ARHGEF3: variants seen among roughly 807,000 people sequenced by gnomAD.
ARHGEF3 encodes the protein 59.8 kDA protein.
Under a neutral mutation model 63.2 loss-of-function variants are expected in ARHGEF3, and 28 were observed. That is an observed-to-expected ratio of 0.44 (90% CI 0.33 to 0.61). The LOEUF (loss-of-function observed/expected upper bound fraction) is 0.61. Ranked by LOEUF, ARHGEF3 falls within the 20% of genes least tolerant of loss-of-function variation. ARHGEF3 has a pLI of 0.03. For missense variants in ARHGEF3, 533 were observed against 659.3 expected (o/e 0.81, Z 2.10); for synonymous variants, 266 against 254.2 (o/e 1.05, Z -0.44).
chr3:56,926,106 T>C (rs2042267639), intron 3 of ARHGEF3, among the ~76,000 whole-genome samples: 1 of 152,180 alleles, frequency 6.6e-6, no homozygotes, highest in Non-Finnish European at 1.5e-5. Context: ...AGCACTAGGC[T>C]GCAGAGGAAG....
At chr3:56,826,236 T>C (rs2038710013) in intron 4 of ARHGEF3, among the ~76,000 whole-genome samples, 1 of 152,206 alleles carries the variant, frequency 6.6e-6, no homozygotes, top group South Asian at 2.1e-4. Context: ...GTTTGACTGT[T>C]ACATAAGCAT....
intron 4 of ARHGEF3, among the ~76,000 whole-genome samples, chr3:56,871,632 A>C (rs532294993): frequency 1.1e-3 from 173 of 152,242 alleles, no homozygotes; most frequent in African/African-American, 3.7e-3. Flanking sequence ...AACACTAATA[A>C]TCTCACATAC....
At chr3:56,868,725 T>G (rs1238878456) in intron 4 of ARHGEF3, among the ~76,000 whole-genome samples, 1 of 152,144 alleles carries the variant, frequency 6.6e-6, no homozygotes, top group Non-Finnish European at 1.5e-5. Flanking sequence ...TAAAATTTCT[T>G]TCAAAACCAA....
chr3:56,778,758 T>C (rs755100775), intron 1 of ARHGEF3, among the ~76,000 whole-genome samples: 2 of 152,156 alleles, frequency 1.3e-5, no homozygotes, highest in Non-Finnish European at 2.9e-5. Flanking sequence ...TGGTCTCAAA[T>C]TCCTGGGGTC....
chr3:56,767,320 C>T (rs2035757074), intron 2 of ARHGEF3, among the ~76,000 whole-genome samples: 1 of 151,082 alleles, frequency 6.6e-6, no homozygotes. Flanking sequence ...CGGTGGCTCA[C>T]GCCTGTAATC....
intron 2 of ARHGEF3, among the ~76,000 whole-genome samples, chr3:56,968,202 A>T (rs1313810924): frequency 0.019 from 380 of 20,080 alleles, 1 homozygote; most frequent in African/African-American, 0.02. Flanking sequence ...TATATAATAT[A>T]TAAAAATATA....
chr3:56,764,696 C>T (rs970122484), intron 2 of ARHGEF3, among the ~76,000 whole-genome samples: 2 of 151,922 alleles, frequency 1.3e-5, no homozygotes, highest in African/African-American at 4.8e-5. Context: ...ATAGATACTA[C>T]ACTAATGAGT....
intron 3 of ARHGEF3, among the ~76,000 whole-genome samples, chr3:56,930,199 T>C (rs572953557): frequency 6.6e-6 from 1 of 152,226 alleles, no homozygotes; most frequent in Non-Finnish European, 1.5e-5. Context: ...CCTGTCCCGT[T>C]ATGCAAACAG....
At chr3:56,884,849 A>G (rs947583133) in intron 3 of ARHGEF3, among the ~76,000 whole-genome samples, 4 of 152,216 alleles carry the variant, frequency 2.6e-5, no homozygotes, top group African/African-American at 9.7e-5. Context: ...TTTTTGAGCC[A>G]GATATGGTAT....
chr3:57,010,096 A>C (rs549196304), intron 2 of ARHGEF3, among the ~76,000 whole-genome samples: 3 of 152,256 alleles, frequency 2.0e-5, no homozygotes, highest in Admixed American at 6.5e-5. Context: ...GCGCCACAGC[A>C]CACATACCTT....
chr3:56,975,966 A>G (rs1271650631), intron 2 of ARHGEF3: 1 of 233,366 alleles, frequency 4.3e-6, no homozygotes, highest in East Asian at 1.3e-4. Flanking sequence ...GGTAATTTCA[A>G]TTTAAAACAT....
rs147970251 is a variant in ARHGEF3 at position 56,736,035 on chromosome 3, A to C, written c.1041+1150T>G. On this transcript the variant is annotated intron_variant, in intron 8 of 9. Coordinates refer to ENST00000296315, the MANE Select transcript of ARHGEF3 (RefSeq NM_019555.3). ...GAGTCTCTCTCCCAATGGCTATCTC[A>C]ACACAGAAATTTAAACACACACACA... Among the ~76,000 whole-genome samples the C allele has an allele frequency of 4.0e-3, 580 of 145,158 alleles. 3 individuals are homozygous for C. Among genetic ancestry groups the C allele is most frequent in the African/African-American group, 0.015 (563 of 37,742 alleles).
chr3:57,055,470 C>A (rs1704885701), intron 1 of ARHGEF3, among the ~76,000 whole-genome samples: 1 of 152,090 alleles, frequency 6.6e-6, no homozygotes, highest in South Asian at 2.1e-4. Flanking sequence ...CCCCTTTATG[C>A]TTTTTGTGAC....
Position 56,865,438 on chromosome 3 carries a change from A to G in ARHGEF3, c.192+16854T>C, listed in dbSNP as rs147737980. 4.5e-3 allele frequency among the ~76,000 whole-genome samples: 688 copies of G among 152,380 alleles called. 6 individuals carry two copies. The highest frequency in any genetic ancestry group is 0.016 in the African/African-American group (662 of 41,586). ...CTTTTCTATGTGAAGGCAAAACCAC[A>G]TGAAATATCAAATGTAAAGGAAGAT... is the stretch of plus-strand genomic sequence containing the variant. On this transcript the variant is annotated intron_variant, in intron 4 of 12. Coordinates refer to the ARHGEF3 transcript ENST00000338458.
At chr3:56,955,366 T>C (rs1700000210) in intron 3 of ARHGEF3, among the ~76,000 whole-genome samples, 1 of 151,766 alleles carries the variant, frequency 6.6e-6, no homozygotes, top group Admixed American at 6.6e-5. Flanking sequence ...CAGCTAATTT[T>C]GGGGTTTGTT....
intron 1 of ARHGEF3, among the ~76,000 whole-genome samples, chr3:57,070,421 G>A (rs182685798): frequency 8.5e-5 from 13 of 152,320 alleles, no homozygotes; most frequent in African/African-American, 2.4e-4. Context: ...TGTCTGTGCA[G>A]TTTGATGGAT....
chr3:56,794,443 G>A (rs1344401386), intron 1 of ARHGEF3, among the ~76,000 whole-genome samples: 8 of 143,244 alleles, frequency 5.6e-5, no homozygotes, highest in Admixed American at 3.7e-4. Flanking sequence ...AGCTGAGATC[G>A]CACCACTGCA....
chr3:56,873,943 T>A (rs2040509999), intron 4 of ARHGEF3, among the ~76,000 whole-genome samples: 1 of 152,224 alleles, frequency 6.6e-6, no homozygotes, highest in South Asian at 2.1e-4. Context: ...ATATGCTGAC[T>A]TACACTTTGT....
chr3:57,002,481 A>ATATATATATGT (rs1702254007), intron 2 of ARHGEF3, among the ~76,000 whole-genome samples: 2 of 19,480 alleles, frequency 1.0e-4, no homozygotes, highest in African/African-American at 1.5e-4. Flanking sequence ...TATATATGTT[A>ATATATATATGT]TATATATATA....
Sources: gnomAD v4.1 joint callset for allele counts (sites outside exome capture counted in the v4.1 genomes callset) on GRCh38, gnomAD v4.1.1 for gene constraint, MANE v1.5 for transcripts, NCBI Gene and HGNC (gene_info 2026-07-23, HGNC 2026-07-21) for gene names.